CDC42SE2: variants seen among roughly 807,000 people sequenced by gnomAD.
CDC42SE2 encodes the protein CDC42 small effector protein 2.
A neutral mutation model predicts 11.5 loss-of-function variants in CDC42SE2; 3 were observed. The observed-to-expected ratio is 0.26, with a 90% confidence interval of 0.12 to 0.67. The LOEUF (loss-of-function observed/expected upper bound fraction) is 0.67. CDC42SE2 is among the 30% of genes least tolerant of loss of function. The probability of loss-of-function intolerance (pLI) is 0.80; values close to 1 mark genes in which losing one functional copy is unlikely to be tolerated. For synonymous variants in CDC42SE2, 33 were observed against 34.8 expected, an observed-to-expected ratio of 0.95 and a Z score of 0.18; for missense variants, 82 against 106.8, an observed-to-expected ratio of 0.77 and a Z score of 1.02.
At chr5:131,363,285 C>G (rs1485624472) in intron 3 of CDC42SE2, among the ~76,000 whole-genome samples, 1 of 147,144 alleles carries the variant, frequency 6.8e-6, no homozygotes, top group Admixed American at 6.8e-5. Flanking sequence ...AAAAAAGCCA[C>G]TTTTCTATTC....
chr5:131,358,614 T>C (rs1749620565), intron 2 of CDC42SE2, among the ~76,000 whole-genome samples: 1 of 152,186 alleles, frequency 6.6e-6, no homozygotes, highest in Non-Finnish European at 1.5e-5. Context: ...TAACATGCGT[T>C]CTAGTAATGA....
chr5:131,257,770 G>A (rs1271934530), intron 2 of CDC42SE2, among the ~76,000 whole-genome samples: 6 of 152,064 alleles, frequency 3.9e-5, no homozygotes, highest in Non-Finnish European at 7.4e-5. Flanking sequence ...AAGCCACCGC[G>A]CTCGGCCCCA....
At chr5:131,313,242 A>C (rs1757969506) in intron 1 of CDC42SE2, among the ~76,000 whole-genome samples, 1 of 151,984 alleles carries the variant, frequency 6.6e-6, no homozygotes, top group South Asian at 2.1e-4. Flanking sequence ...TCGGCCTCCC[A>C]AAGTGCTGGG....
At chr5:131,388,978 C>T (rs994440769) in intron 4 of CDC42SE2, among the ~76,000 whole-genome samples, 1 of 152,030 alleles carries the variant, frequency 6.6e-6, no homozygotes, top group Admixed American at 6.6e-5. Flanking sequence ...GGACTACAGG[C>T]CTGCACCACC....
intron 1 of CDC42SE2, among the ~76,000 whole-genome samples, chr5:131,273,170 T>C (rs1295771719): frequency 6.7e-6 from 1 of 148,920 alleles, no homozygotes; most frequent in Non-Finnish European, 1.5e-5. Flanking sequence ...TTTTTTTTTT[T>C]TTTGAGATAG....
intron 2 of CDC42SE2, among the ~76,000 whole-genome samples, chr5:131,327,651 C>A (rs1333570051): frequency 6.6e-6 from 1 of 152,100 alleles, no homozygotes; most frequent in Non-Finnish European, 1.5e-5. Flanking sequence ...ACCAAATAAT[C>A]AAAGGGTTTT....
chr5:131,239,503 T>C, the CDC42SE2 span, among the ~76,000 whole-genome samples: 2 of 152,214 alleles, frequency 1.3e-5, no homozygotes, highest in African/African-American at 4.8e-5. Context: ...TCCTGTTTAT[T>C]GTGTTTGGAG....
At chr5:131,302,865 A>C (rs1424147826) in intron 1 of CDC42SE2, among the ~76,000 whole-genome samples, 1 of 151,540 alleles carries the variant, frequency 6.6e-6, no homozygotes, top group Non-Finnish European at 1.5e-5. Context: ...AAATTCCAGC[A>C]ATTAGAAATA....
the CDC42SE2 span, among the ~76,000 whole-genome samples, chr5:131,215,357 G>C: frequency 6.6e-6 from 1 of 152,224 alleles, no homozygotes; most frequent in African/African-American, 2.4e-5. Context: ...AAAGAAAAGA[G>C]AGAGAGAAAA....
chr5:131,361,995 A>G (rs770685911), intron 3 of CDC42SE2, among the ~76,000 whole-genome samples: 3 of 152,064 alleles, frequency 2.0e-5, no homozygotes, highest in Non-Finnish European at 4.4e-5. Flanking sequence ...GGGTTTTTAT[A>G]GGCCCAGGAT....
At chr5:131,258,213 C>T (rs569264868) in intron 2 of CDC42SE2, among the ~76,000 whole-genome samples, 2 of 152,192 alleles carry the variant, frequency 1.3e-5, no homozygotes, top group African/African-American at 4.8e-5. Context: ...TGCCACATCC[C>T]CTTTCTCTTT....
intron 2 of CDC42SE2, among the ~76,000 whole-genome samples, chr5:131,352,029 C>T (rs1237912455): frequency 6.6e-6 from 1 of 152,090 alleles, no homozygotes; most frequent in African/African-American, 2.4e-5. Flanking sequence ...GGCCAAGAAG[C>T]ACATGAAAAG....
Position 131,247,581 on chromosome 5 carries a change from C to T in CDC42SE2, n.107+1982C>T, listed in dbSNP as rs565452785. On this transcript the variant is annotated intron_variant and non_coding_transcript_variant, in intron 1 of 3. Coordinates refer to the CDC42SE2 transcript ENST00000502840. ...CTGCAGTGAGCTGAGAATGCACCAC[C>T]GCACTCCACCCTTGATGACGCAGCA... 4.6e-5 allele frequency among the ~76,000 whole-genome samples: 7 copies of T among 151,818 alleles called. No homozygotes were observed. In the East Asian group the frequency reaches 7.8e-4, roughly 17 times the overall value.
At chr5:131,325,436 TAAA>T (rs1242150443) in intron 2 of CDC42SE2, among the ~76,000 whole-genome samples, 2 of 152,058 alleles carry the variant, frequency 1.3e-5, no homozygotes, top group African/African-American at 4.8e-5. Flanking sequence ...TTGTGGATTT[TAAA>T]ATTTGCGTCC....
chr5:131,309,024 A>G (rs1034736244), intron 1 of CDC42SE2, among the ~76,000 whole-genome samples: 3 of 150,700 alleles, frequency 2.0e-5, no homozygotes, highest in Non-Finnish European at 4.4e-5. Context: ...GTCTTGTGCC[A>G]GTTTTCAAAG....
At chr5:131,305,194 C>G (rs1379411974) in intron 1 of CDC42SE2, among the ~76,000 whole-genome samples, 1 of 152,154 alleles carries the variant, frequency 6.6e-6, no homozygotes, top group Non-Finnish European at 1.5e-5. Context: ...TGTATAAAAT[C>G]ATTCTTTTTT....
At chr5:131,349,814 A>AT (rs1758956142) in intron 2 of CDC42SE2, among the ~76,000 whole-genome samples, 1 of 152,216 alleles carries the variant, frequency 6.6e-6, no homozygotes, top group South Asian at 2.1e-4. Flanking sequence ...ATATGCAGTT[A>AT]TTTTTAAGGT....
At chr5:131,239,155 G>A in the CDC42SE2 span, among the ~76,000 whole-genome samples, 1 of 148,392 alleles carries the variant, frequency 6.7e-6, no homozygotes, top group African/African-American at 2.5e-5. Context: ...GACAGACTCT[G>A]TCTCAAAAAA....
At chr5:131,351,722 A>G (rs576633999) in intron 2 of CDC42SE2, among the ~76,000 whole-genome samples, 3 of 152,370 alleles carry the variant, frequency 2.0e-5, no homozygotes, top group Admixed American at 6.5e-5. Flanking sequence ...AATAAAAGCT[A>G]AAAAGTCTAG....
Sources: gnomAD v4.1 joint callset for allele counts (sites outside exome capture counted in the v4.1 genomes callset) on GRCh38, gnomAD v4.1.1 for gene constraint, MANE v1.5 for transcripts, NCBI Gene and HGNC (gene_info 2026-07-23, HGNC 2026-07-21) for gene names.